STAU1: variants seen among roughly 807,000 people sequenced by gnomAD.
STAU1 encodes staufen double-stranded RNA binding protein 1.
Under a neutral mutation model 62.9 loss-of-function variants are expected in STAU1, and 13 were observed. The observed-to-expected ratio is 0.21, with a 90% confidence interval of 0.13 to 0.33. The LOEUF (loss-of-function observed/expected upper bound fraction) is 0.33. Among genes scored for constraint, STAU1 ranks in the 10% least tolerant of loss-of-function variants. The pLI, the probability that STAU1 is intolerant of heterozygous loss-of-function variation, is 1.00. For synonymous variants in STAU1, 269 were observed against 265.1 expected (o/e 1.01, Z -0.14); for missense variants, 571 against 712.1 (o/e 0.80, Z 2.25).
chr20:49,117,684 A>G lies in STAU1; in HGVS notation c.1509+93T>C. Reference sequence around the variant, plus strand: ...ATCCCTGGACAGAACTTGATTTAAGAAAAAAGTACAAAGTTCAAAGTTCAT... The same window carrying G: ...ATCCCTGGACAGAACTTGATTTAAGGAAAAAGTACAAAGTTCAAAGTTCAT... On this transcript the variant is annotated intron_variant, in intron 11 of 13. Transcript: ENST00000371856. The surrounding 1 kb of genome is among the most constrained non-coding windows in gnomAD (Gnocchi z 4.6). 2.2e-6 allele frequency: 3 copies of G among 1,366,668 alleles called. No homozygotes were observed. Among genetic ancestry groups the G allele is most frequent in the African/African-American group, 1.5e-5 (1 of 68,646 alleles). The allele number at this position is 1,366,668 out of a possible 1,614,324, so 84.7% of individuals were successfully genotyped here. A position where few individuals can be genotyped will look rare whatever the true frequency, so the allele number is the denominator to read the frequency against.
chr20:49,124,246 G>A (rs1214792531), intron 7 of STAU1, 129 bp downstream of exon 7: 1 of 911,938 alleles, frequency 1.1e-6, no homozygotes. Context: ...CCTCTAAGGG[G>A]TCTGGCAGGC....
At chr20:49,173,916 A>G (rs1211293332) in intron 2 of STAU1, among the ~76,000 whole-genome samples, 1 of 152,216 alleles carries the variant, frequency 6.6e-6, no homozygotes, top group African/African-American at 2.4e-5. Flanking sequence ...ACTATGACCA[A>G]GAAGCTTATT....
At chr20:49,200,336 C>T in the STAU1 span, among the ~76,000 whole-genome samples, 1 of 151,954 alleles carries the variant, frequency 6.6e-6, no homozygotes, top group Non-Finnish European at 1.5e-5. Flanking sequence ...CGGTGGCTCA[C>T]GCCTGTAATC....
intron 6 of STAU1, 100 bp downstream of exon 6, chr20:49,135,733 G>A: frequency 2.3e-6 from 2 of 855,822 alleles, no homozygotes; most frequent in Non-Finnish European, 3.7e-6. Context: ...TTCACATTAT[G>A]TGAAGATTAT....
At chr20:49,161,930 GTAAC>G (rs895553050) in intron 3 of STAU1, among the ~76,000 whole-genome samples, 2 of 152,154 alleles carry the variant, frequency 1.3e-5, no homozygotes, top group Non-Finnish European at 2.9e-5. Context: ...AGTCAGGGGA[GTAAC>G]TAACCCATGG....
At chr20:49,187,916 G>A (rs889657462) in intron 1 of STAU1, among the ~76,000 whole-genome samples, 200 bp downstream of exon 1, 30 of 151,970 alleles carry the variant, frequency 2.0e-4, no homozygotes, top group African/African-American at 7.0e-4. Context: ...CCCGGGGCCA[G>A]GCCTCAGGGC....
chr20:49,201,044 CAAAAAAAAAAAA>C, the STAU1 span, among the ~76,000 whole-genome samples: 10 of 31,508 alleles, frequency 3.2e-4, no homozygotes, highest in African/African-American at 6.1e-4. Context: ...GACCCACTCT[CAAAAAAAAAAAA>C]AAAAAAAAAA....
At chr20:49,137,038 G>A (rs1012234706) in intron 5 of STAU1, among the ~76,000 whole-genome samples, 8 of 152,036 alleles carry the variant, frequency 5.3e-5, no homozygotes, top group African/African-American at 1.9e-4. Flanking sequence ...GGCAGTACAC[G>A]ACTATTGCCC....
At chr20:49,204,888 G>A in the STAU1 span, among the ~76,000 whole-genome samples, 202 of 151,612 alleles carry the variant, frequency 1.3e-3, 2 homozygotes, top group African/African-American at 4.6e-3. Context: ...GACCTCAGGT[G>A]ATCCACCTGC....
intron 5 of STAU1, among the ~76,000 whole-genome samples, chr20:49,143,199 GAGGA>G (rs1329308935): frequency 6.6e-6 from 1 of 152,192 alleles, no homozygotes; most frequent in East Asian, 1.9e-4. Context: ...CCAGTAAAAT[GAGGA>G]AGGTTTAGTG....
intron 10 of STAU1, 106 bp downstream of exon 10, chr20:49,118,227 A>G: frequency 7.2e-7 from 1 of 1,382,100 alleles, no homozygotes; most frequent in Non-Finnish European, 1.0e-6. Context: ...AATGATAAAG[A>G]CACTTTGCAT....
At position 49,118,189 on chromosome 20, in the gene STAU1, G is replaced by A. The variant is rs186184488; in HGVS notation, c.1190-93C>T. 1.7e-4 allele frequency: 247 copies of A among 1,411,428 alleles called. No individual in the cohort carries two copies. In the East Asian group the frequency reaches 5.2e-3, roughly 30 times the overall value. The allele number at this position is 1,411,428 out of a possible 1,614,324, so 87.4% of individuals were successfully genotyped here. ...AAACCCCACGCTGGCCCTCCCCTTGGCACGCATGGCAGCGCAGGGAATCAG... is the reference window on the plus strand; with the variant it reads ...AAACCCCACGCTGGCCCTCCCCTTGACACGCATGGCAGCGCAGGGAATCAG... On this transcript the variant is annotated intron_variant, in intron 10 of 13. Coordinates refer to ENST00000371856, the MANE Select transcript of STAU1 (RefSeq NM_017453.4).
the STAU1 span, among the ~76,000 whole-genome samples, chr20:49,198,014 C>T: frequency 6.6e-6 from 1 of 152,214 alleles, no homozygotes. Context: ...CCAGCCATAT[C>T]TGGAATATAT....
At chr20:49,129,365 G>A (rs2092703820) in intron 6 of STAU1, among the ~76,000 whole-genome samples, 1 of 128,412 alleles carries the variant, frequency 7.8e-6, no homozygotes, top group Non-Finnish European at 1.5e-5. Flanking sequence ...TTGGCTCACT[G>A]CAACCTCTGC....
intron 6 of STAU1, among the ~76,000 whole-genome samples, chr20:49,127,641 G>A (rs182519231): frequency 6.6e-6 from 1 of 152,236 alleles, no homozygotes; most frequent in African/African-American, 2.4e-5. Context: ...CAGAGGCGGA[G>A]GTTGCAGTGA....
intron 6 of STAU1, among the ~76,000 whole-genome samples, chr20:49,133,976 C>T (rs1309464440): frequency 6.6e-6 from 1 of 152,184 alleles, no homozygotes; most frequent in Non-Finnish European, 1.5e-5. Context: ...AGAAGGTATA[C>T]ATCACCTGTA....
intron 2 of STAU1, among the ~76,000 whole-genome samples, chr20:49,169,141 C>T (rs749868121): frequency 1.3e-5 from 2 of 151,746 alleles, no homozygotes; most frequent in African/African-American, 4.8e-5. Flanking sequence ...GTAGAGACAG[C>T]GTTTCACCAT....
intron 1 of STAU1, among the ~76,000 whole-genome samples, chr20:49,186,832 T>C (rs571836649): frequency 1.3e-5 from 2 of 151,844 alleles, no homozygotes; most frequent in South Asian, 4.2e-4. Flanking sequence ...ACCACGCTCT[T>C]AACAATGAAA....
Position 49,114,788 on chromosome 20 carries a change from G to T in STAU1, c.*90C>A. On this transcript the variant is annotated 3_prime_UTR_variant, in exon 14 of 14. Coordinates refer to ENST00000371856, the MANE Select transcript of STAU1 (RefSeq NM_017453.4). ...ACCCACCGTGTCTCTCGGCCCACTG[G>T]AGGTATCAGAAATTCCAAATTTTCA... The T allele has an allele frequency of 8.0e-7, 1 of 1,242,398 alleles. No homozygotes were observed. Among genetic ancestry groups the T allele is most frequent in the Non-Finnish European group, 1.2e-6 (1 of 851,288 alleles). The allele number at this position is 1,242,398 out of a possible 1,614,324, so 77.0% of individuals were successfully genotyped here. A position where few individuals can be genotyped will look rare whatever the true frequency, so the allele number is the denominator to read the frequency against.
Sources: allele counts gnomAD v4.1 joint callset (sites outside exome capture counted in the v4.1 genomes callset), GRCh38; gene constraint gnomAD v4.1.1; non-coding constraint Gnocchi (gnomAD v3.1); transcripts MANE v1.5; gene names NCBI Gene and HGNC (gene_info 2026-07-23, HGNC 2026-07-21).